KDM6A: variants seen among roughly 807,000 people sequenced by gnomAD.
The protein encoded by KDM6A is lysine-specific demethylase 6A.
A neutral mutation model predicts 117.6 loss-of-function variants in KDM6A; 11 were observed. The observed-to-expected ratio is 0.09, with a 90% CI of 0.06 to 0.15. The LOEUF (loss-of-function observed/expected upper bound fraction) is 0.15, where lower values mean the gene tolerates loss of function less well. Among genes scored for constraint, KDM6A ranks in the 10% least tolerant of loss-of-function variants. KDM6A has a pLI of 1.00. For missense variants in KDM6A, 799 were observed against 1,077.3 expected, an observed-to-expected ratio of 0.74 and a Z score of 3.62; for synonymous variants, 384 against 396.1, an observed-to-expected ratio of 0.97 and a Z score of 0.36.
At chrX:44,956,461 G>C (rs966067374) in intron 2 of KDM6A, among the ~76,000 whole-genome samples, 1 of 110,552 alleles carries the variant, frequency 9.0e-6, no homozygotes, top group African/African-American at 3.3e-5. Flanking sequence ...GTGCAGTGGT[G>C]CAATCATGGC....
At chrX:45,054,356 A>C (rs890038772) in intron 10 of KDM6A, among the ~76,000 whole-genome samples, 2 of 111,837 alleles carry the variant, frequency 1.8e-5, no homozygotes, top group South Asian at 7.4e-4. Flanking sequence ...CTGGTAGTCA[A>C]TGGAACCTTT....
At chrX:44,946,784 T>G (rs2037660509) in intron 2 of KDM6A, among the ~76,000 whole-genome samples, 1 of 111,306 alleles carries the variant, frequency 9.0e-6, no homozygotes, top group Admixed American at 9.6e-5. Flanking sequence ...TGCCACCACT[T>G]TTTTGTTAGG....
At chrX:45,011,601 G>A (rs1228020570) in intron 5 of KDM6A, among the ~76,000 whole-genome samples, 2 of 110,985 alleles carry the variant, frequency 1.8e-5, no homozygotes, top group East Asian at 2.8e-4. Flanking sequence ...TATGGCCTTT[G>A]CCCCATTGTT....
chrX:44,901,675 T>G (rs1328361337), intron 2 of KDM6A, among the ~76,000 whole-genome samples: 1 of 111,725 alleles, frequency 9.0e-6, no homozygotes, highest in Non-Finnish European at 1.9e-5. Flanking sequence ...AATTGATCCT[T>G]TCATCATTAT....
chrX:44,972,084 T>A (rs1602397934), intron 3 of KDM6A, among the ~76,000 whole-genome samples: 1 of 111,177 alleles, frequency 9.0e-6, no homozygotes, highest in East Asian at 2.8e-4. Context: ...GAAGATAATG[T>A]TTTATTTACT....
At chrX:44,913,298 G>GTTTTT (rs11449898) in intron 2 of KDM6A, among the ~76,000 whole-genome samples, 2 of 86,532 alleles carry the variant, frequency 2.3e-5, no homozygotes, top group Non-Finnish European at 4.3e-5. Flanking sequence ...TGTGTTAACT[G>GTTTTT]TTTTTTTTTT....
At chrX:44,880,823 G>GTGAC (rs201126291) in intron 2 of KDM6A, among the ~76,000 whole-genome samples, 117 of 110,581 alleles carry the variant, frequency 1.1e-3, no homozygotes, top group African/African-American at 3.6e-3. Flanking sequence ...TACTCTGATA[G>GTGAC]TACACCAGAA....
intron 3 of KDM6A, among the ~76,000 whole-genome samples, chrX:44,973,293 C>T (rs946980251): frequency 1.8e-5 from 2 of 111,189 alleles, no homozygotes; most frequent in Non-Finnish European, 3.8e-5. Context: ...CTGGGATCAC[C>T]CTTTTTCTTC....
chrX:45,022,111 G>GAA (rs1199126327), intron 6 of KDM6A, among the ~76,000 whole-genome samples: 1 of 112,087 alleles, frequency 8.9e-6, no homozygotes, highest in Non-Finnish European at 1.9e-5. Flanking sequence ...CATTTGAAGG[G>GAA]AAAAGCAATC....
At chrX:44,989,477 C>T (rs1366551627) in intron 4 of KDM6A, among the ~76,000 whole-genome samples, 3 of 109,905 alleles carry the variant, frequency 2.7e-5, no homozygotes, top group Non-Finnish European at 5.7e-5. Context: ...CAGAAATCAC[C>T]TGTCTTCTGT....
At chrX:45,010,764 A>G (rs1261738387) in intron 4 of KDM6A, among the ~76,000 whole-genome samples, 197 bp from the exon 5 acceptor site, 1 of 112,000 alleles carries the variant, frequency 8.9e-6, no homozygotes, top group East Asian at 2.8e-4. Flanking sequence ...TTTTTATTTC[A>G]GGGCTGGAAT....
At chrX:44,927,085 T>C (rs2036348011) in intron 2 of KDM6A, among the ~76,000 whole-genome samples, 1 of 111,643 alleles carries the variant, frequency 9.0e-6, no homozygotes, top group Admixed American at 9.6e-5. Context: ...AAATTTCACT[T>C]ACAGGGCTGC....
At chrX:44,999,740 C>T (rs1266301254) in intron 4 of KDM6A, among the ~76,000 whole-genome samples, 1 of 110,909 alleles carries the variant, frequency 9.0e-6, no homozygotes, top group Non-Finnish European at 1.9e-5. Flanking sequence ...CTTGATTTTC[C>T]AAAAGAAGAT....
At chrX:45,019,433 C>T (rs933956326) in intron 5 of KDM6A, among the ~76,000 whole-genome samples, 23 of 111,624 alleles carry the variant, frequency 2.1e-4, no homozygotes, top group African/African-American at 7.5e-4. Context: ...AATTTTATAG[C>T]AAAAGTGTAC....
At chrX:44,977,434 T>C (rs765191950) in intron 4 of KDM6A, among the ~76,000 whole-genome samples, 1 of 110,756 alleles carries the variant, frequency 9.0e-6, no homozygotes, top group South Asian at 3.8e-4. Context: ...TTTAAGTTTT[T>C]TTTTTGCAGA....
chrX:44,907,467 GTGGT>G (rs1569404454), intron 2 of KDM6A, among the ~76,000 whole-genome samples: 11 of 87,833 alleles, frequency 1.3e-4, no homozygotes, highest in African/African-American at 5.4e-4. Context: ...GTGTGTGTGT[GTGGT>G]TTTTTTTTTC....
chrX:45,106,770 T>G (rs1051883834), intron 27 of KDM6A: 1 of 260,413 alleles, frequency 3.8e-6, no homozygotes, highest in Non-Finnish European at 7.3e-6. Context: ...AGGTAGAAGT[T>G]ATAAGAAAAG....
At chrX:45,012,681 C>T (rs967827859) in intron 5 of KDM6A, among the ~76,000 whole-genome samples, 6 of 111,472 alleles carry the variant, frequency 5.4e-5, no homozygotes, top group African/African-American at 2.0e-4. Flanking sequence ...TTTACATATG[C>T]ATTGACAGTG....
chrX:45,090,273 G>C (rs972078804), intron 26 of KDM6A, among the ~76,000 whole-genome samples: 2 of 112,134 alleles, frequency 1.8e-5, no homozygotes, highest in African/African-American at 6.5e-5. Context: ...CATATGAATA[G>C]CTCTGTAATG....
Sources: allele counts gnomAD v4.1 joint callset (sites outside exome capture counted in the v4.1 genomes callset), GRCh38; gene constraint gnomAD v4.1.1; transcripts MANE v1.5; gene names NCBI Gene and HGNC (gene_info 2026-07-23, HGNC 2026-07-21).